Variants in SSH2 observed in about 807,000 individuals in gnomAD.
SSH2 encodes the protein slingshot protein phosphatase 2.
Under a neutral mutation model 135.2 loss-of-function variants are expected in SSH2, and 37 were observed. The ratio of observed to expected loss-of-function variants is 0.27; its 90% CI spans 0.21 to 0.36. The LOEUF is 0.36. Ranked by LOEUF, SSH2 falls within the 10% of genes least tolerant of loss-of-function variation. SSH2 has a pLI of 1.00. For synonymous variants in SSH2, 628 were observed against 646.2 expected (o/e 0.97, Z 0.43); for missense variants, 1,408 against 1,765.3 (o/e 0.80, Z 3.63).
At chr17:29,742,922 CCT>C (rs1462499213) in intron 3 of SSH2, among the ~76,000 whole-genome samples, 2 of 151,380 alleles carry the variant, frequency 1.3e-5, no homozygotes, top group Non-Finnish European at 2.9e-5. Context: ...GGCGTGAGCC[CCT>C]GTGCCCAGCC....
intron 2 of SSH2, among the ~76,000 whole-genome samples, chr17:29,800,877 T>C (rs868336067): frequency 5.9e-5 from 9 of 151,670 alleles, no homozygotes; most frequent in Middle Eastern, 3.4e-3. Context: ...TTTTTTTCTT[T>C]TTTTTTGAGA....
At chr17:29,913,382 A>ATATATATATC (rs2066821733) in intron 1 of SSH2, among the ~76,000 whole-genome samples, 1 of 96,218 alleles carries the variant, frequency 1.0e-5, no homozygotes, top group Non-Finnish European at 2.1e-5. Context: ...ATATATATAT[A>ATATATATATC]TCCAATTTCT....
chr17:29,825,041 C>T (rs1016056768), intron 2 of SSH2, among the ~76,000 whole-genome samples: 2 of 152,072 alleles, frequency 1.3e-5, no homozygotes, highest in Non-Finnish European at 2.9e-5. Context: ...GAGATTACCT[C>T]GATGAAATAA....
At chr17:29,652,472 C>T (rs1273156975) in intron 12 of SSH2, among the ~76,000 whole-genome samples, 1 of 151,868 alleles carries the variant, frequency 6.6e-6, no homozygotes, top group Non-Finnish European at 1.5e-5. Context: ...GTGATGGTTG[C>T]ACGGCTCTAT....
At position 29,853,086 on chromosome 17, in the gene SSH2, A is replaced by ATTT. The variant is rs35782935; in HGVS notation, c.64-4160_64-4158dup. On this transcript the variant is annotated intron_variant, in intron 1 of 15. Coordinates refer to ENST00000540801, the MANE Select transcript of SSH2 (RefSeq NM_001282129.2). Reference sequence around the variant, plus strand: ...AATGCAGCCTTAATTCACTGCAGAGATTTTTTTTTTTTTTTTTTTCCAGAG... The same window carrying ATTT: ...AATGCAGCCTTAATTCACTGCAGAGATTTTTTTTTTTTTTTTTTTTTTCCAGAG... Among the ~76,000 whole-genome samples, 298 of 134,770 alleles carry ATTT rather than the reference A, an allele frequency of 2.2e-3. 9 individuals carry two copies. The highest frequency in any genetic ancestry group is 5.7e-3 in the South Asian group (24 of 4,212). The allele number at this position is 134,770 out of a possible 152,430, so 88.4% of individuals were successfully genotyped here.
At position 29,641,953 on chromosome 17, in the gene SSH2, T is replaced by A. The variant is rs567808943; in HGVS notation, c.1428-5151A>T. On this transcript the variant is annotated intron_variant, in intron 14 of 15. Transcript: ENST00000540801. ...AGACATTGTCTTTTTTTTTTTTTTT[T>A]TTAAAAAAAGAGGGCCAGGAGTTAT... Among the ~76,000 whole-genome samples the A allele has an allele frequency of 4.4e-3, 665 of 150,116 alleles. 7 individuals carry two copies. Among genetic ancestry groups the A allele is most frequent in the African/African-American group, 0.016 (628 of 39,990 alleles).
intron 1 of SSH2, among the ~76,000 whole-genome samples, chr17:29,874,954 C>T (rs1005891191): frequency 6.6e-6 from 1 of 152,070 alleles, no homozygotes; most frequent in African/African-American, 2.4e-5. Flanking sequence ...CCCATTAGTA[C>T]CAGGACTTTA....
At chr17:29,808,456 C>A (rs895915545) in intron 2 of SSH2, among the ~76,000 whole-genome samples, 1 of 152,134 alleles carries the variant, frequency 6.6e-6, no homozygotes, top group Non-Finnish European at 1.5e-5. Context: ...GCAAAATAGA[C>A]CAGTAGAAAA....
At chr17:29,673,852 G>T in intron 8 of SSH2, 1 of 303,068 alleles carries the variant, frequency 3.3e-6, no homozygotes, top group South Asian at 3.0e-5. Flanking sequence ...TTTTCAACTG[G>T]ATCATTTTTA....
At chr17:29,739,650 C>T (rs2040490354) in intron 3 of SSH2, among the ~76,000 whole-genome samples, 1 of 152,146 alleles carries the variant, frequency 6.6e-6, no homozygotes, top group Non-Finnish European at 1.5e-5. Context: ...GCAAATATGA[C>T]TTGCCTTTCT....
chr17:29,899,308 G>C (rs2066502810), intron 1 of SSH2, among the ~76,000 whole-genome samples: 1 of 152,040 alleles, frequency 6.6e-6, no homozygotes, highest in African/African-American at 2.4e-5. Flanking sequence ...GAAATAAAGG[G>C]TATTCAATTA....
intron 3 of SSH2, among the ~76,000 whole-genome samples, chr17:29,784,208 T>G (rs2041908203): frequency 6.7e-6 from 1 of 150,108 alleles, no homozygotes; most frequent in Admixed American, 6.7e-5. Context: ...CCAACATGGT[T>G]AAACCCCATC....
At chr17:29,837,833 G>A (rs747429972) in intron 2 of SSH2, among the ~76,000 whole-genome samples, 7 of 152,264 alleles carry the variant, frequency 4.6e-5, no homozygotes, top group Non-Finnish European at 5.9e-5. Flanking sequence ...CCAGGGCTGC[G>A]CACTCCATGG....
intron 8 of SSH2, among the ~76,000 whole-genome samples, chr17:29,673,372 T>G (rs2037572373): frequency 6.6e-6 from 1 of 151,700 alleles, no homozygotes; most frequent in African/African-American, 2.4e-5. Context: ...GAGATCGAGA[T>G]CAGCCTAACC....
At chr17:29,854,516 A>G (rs2065626603) in intron 1 of SSH2, among the ~76,000 whole-genome samples, 1 of 151,886 alleles carries the variant, frequency 6.6e-6, no homozygotes, top group South Asian at 2.1e-4. Flanking sequence ...CTAAGGAACA[A>G]TTATAGTAAT....
At chr17:29,899,611 T>A (rs946503292) in intron 1 of SSH2, among the ~76,000 whole-genome samples, 25 of 152,190 alleles carry the variant, frequency 1.6e-4, no homozygotes, top group Non-Finnish European at 5.9e-5. Context: ...CACAAACCAC[T>A]GCTTAAGGAA....
chr17:29,806,944 G>A (rs16965236), intron 2 of SSH2, among the ~76,000 whole-genome samples: 9,348 of 152,202 alleles, frequency 0.061, 533 homozygotes, highest in African/African-American at 0.15. Flanking sequence ...TCTGCTACAC[G>A]TGATTACCAC....
At chr17:29,743,907 C>CTTTTTTTTTTTTTTTT (rs59540894) in intron 3 of SSH2, among the ~76,000 whole-genome samples, 12 of 99,846 alleles carry the variant, frequency 1.2e-4, no homozygotes, top group Non-Finnish European at 1.6e-4. Context: ...TTCTTTTTTC[C>CTTTTTTTTTTTTTTTT]TTTTTTTTTT....
chr17:29,843,559 G>GAA (rs1313720457), intron 2 of SSH2, among the ~76,000 whole-genome samples: 2,079 of 122,906 alleles, frequency 0.017, 50 homozygotes, highest in African/African-American at 0.057. Flanking sequence ...TCAGTCTCAA[G>GAA]AAAAAAAAAA....
Sources: gnomAD v4.1 joint callset for allele counts (sites outside exome capture counted in the v4.1 genomes callset) on GRCh38, gnomAD v4.1.1 for gene constraint, MANE v1.5 for transcripts, NCBI Gene and HGNC (gene_info 2026-07-23, HGNC 2026-07-21) for gene names.